PFKM: variants seen among roughly 807,000 people sequenced by gnomAD.
PFKM encodes the protein ATP-dependent 6-phosphofructokinase, muscle type.
PFKM carries 58 observed loss-of-function variants against 95.5 expected under a neutral mutation model. The observed-to-expected ratio is 0.61, with a 90% CI of 0.49 to 0.76. The LOEUF is 0.76. Among genes scored for constraint, PFKM ranks in the 30% least tolerant of loss-of-function variants. The pLI is 0.00. For missense variants in PFKM, 678 were observed against 1,005.4 expected (o/e 0.67, Z 4.40); for synonymous variants, 336 against 357.2 (o/e 0.94, Z 0.67).
intron 4 of PFKM, among the ~76,000 whole-genome samples, chr12:48,132,559 T>A (rs1266044471): frequency 6.6e-6 from 1 of 152,236 alleles, no homozygotes; most frequent in East Asian, 1.9e-4. Context: ...AGTTGGAGAT[T>A]ATTTGAGAAG....
At chr12:48,120,979 C>T (rs1016985254) in intron 1 of PFKM, among the ~76,000 whole-genome samples, 2 of 152,094 alleles carry the variant, frequency 1.3e-5, no homozygotes, top group African/African-American at 4.8e-5. Context: ...GGTGAAAACC[C>T]GTCTCAATTA....
At chr12:48,134,413 C>T (rs546045983) in intron 7 of PFKM, 137 bp downstream of exon 7, 29 of 790,790 alleles carry the variant, frequency 3.7e-5, no homozygotes, top group African/African-American at 2.2e-4. Flanking sequence ...GTTCCCTTTC[C>T]GGCCTCCATC....
chr12:48,106,017 C>T lies in PFKM; in HGVS notation c.-130C>T, dbSNP rs1469271028. The stretch of plus-strand genomic sequence containing the variant: ...TCCTCACCCCTCCCCCAGCTTCCCG[C>T]CGCCACTCACCGAACCGGAACCGGC... On this transcript the variant is annotated 5_prime_UTR_variant, in exon 1 of 25. Coordinates refer to the PFKM transcript ENST00000340802. 5.7e-6 allele frequency: 4 copies of T among 701,186 alleles called. No individual in the cohort carries two copies. In the Admixed American group the frequency reaches 8.0e-5, roughly 14 times the overall value. 43.4% of individuals were successfully genotyped at this position (701,186 alleles called of 1,614,324 possible).
At chr12:48,137,644 G>T in intron 10 of PFKM, 77 bp from the exon 11 acceptor site, 1 of 1,570,494 alleles carries the variant, frequency 6.4e-7, no homozygotes, top group South Asian at 1.1e-5. Context: ...AAAAGGGCTC[G>T]AGTATCCTGA....
Position 48,146,025 on chromosome 12 carries a change from C to A in PFKM, c.*317C>A, listed in dbSNP as rs886415081. 5.7e-6 allele frequency: 2 copies of A among 351,716 alleles called. No homozygotes were observed. The highest frequency in any genetic ancestry group is 1.1e-5 in the Non-Finnish European group (2 of 186,198). The allele number at this position is 351,716 out of a possible 1,614,324, so 21.8% of individuals were successfully genotyped here. A position where few individuals can be genotyped will look rare whatever the true frequency, so the allele number is the denominator to read the frequency against. ...AGCTTTATTTATTTCTTTGTGATAA[C>A]AAAGAGTCTTGGTTCCTCTACTACT... is the stretch of plus-strand genomic sequence containing the variant. On this transcript the variant is annotated 3_prime_UTR_variant, in exon 23 of 23. Transcript: ENST00000359794.
intron 6 of PFKM, among the ~76,000 whole-genome samples, chr12:48,133,838 C>T (rs913427984): frequency 5.3e-5 from 8 of 152,106 alleles, no homozygotes; most frequent in African/African-American, 1.7e-4. Context: ...GCTATGACCA[C>T]GACAGCTCAG....
At position 48,106,524 on chromosome 12, in the gene PFKM, G is replaced by C. The variant is rs987311652; in HGVS notation, c.-10+387G>C. 3.7e-4 allele frequency: 91 copies of C among 245,128 alleles called. 3 individuals are homozygous for C. Among genetic ancestry groups the C allele is most frequent in the Non-Finnish European group, 4.0e-5 (5 of 124,056 alleles). The allele number at this position is 245,128 out of a possible 1,614,324, so 15.2% of individuals were successfully genotyped here. ...CTCAGGCTATCTCGTGTTTTATTGA[G>C]AATCACAGAACGTTAGTGCTTGTAG... On this transcript the variant is annotated intron_variant, in intron 1 of 24. Coordinates refer to the PFKM transcript ENST00000340802.
upstream of PFKM, among the ~76,000 whole-genome samples, chr12:48,116,735 T>C (rs1947716340): frequency 6.6e-6 from 1 of 152,202 alleles, no homozygotes; most frequent in African/African-American, 2.4e-5. Flanking sequence ...TGCCTTGGCC[T>C]CCCAAAGTGC....
chr12:48,125,621 C>CAAA (rs562841214), intron 2 of PFKM: 9 of 103,024 alleles, frequency 8.7e-5, no homozygotes, highest in South Asian at 3.2e-4. Context: ...AACTCTGTCT[C>CAAA]AAAAAAAAAA....
At chr12:48,135,928 T>TCTGTCA (rs1555204170) in intron 10 of PFKM, among the ~76,000 whole-genome samples, 1 of 151,336 alleles carries the variant, frequency 6.6e-6, no homozygotes. Flanking sequence ...TTGCACTCGC[T>TCTGTCA]CCCAGGCTGG....
chr12:48,140,832 C>T lies in PFKM; in HGVS notation c.1302C>T (p.Leu434=), dbSNP rs1217619963. The T allele has an allele frequency of 4.3e-6, 7 of 1,614,066 alleles. No individual in the cohort carries two copies. The highest frequency in any genetic ancestry group is 5.1e-6 in the Non-Finnish European group (6 of 1,180,048). ...GCCTTATCCAGGGCAACCGAGTGCT[C>T]GTTGTCCATGATGGTTTCGAGGGCC... is the stretch of plus-strand genomic sequence containing the variant. ...RIGLIQGNRV[L]VVHDGFEGLA... is the part of the protein sequence containing the mutation. Residue 434 remains leucine, a synonymous_variant, in exon 14 of 23, where the codon CTC becomes CTT. Transcript: ENST00000359794.
At position 48,144,030 on chromosome 12, in the gene PFKM, GGTCT is replaced by G. The variant is rs1950808913; in HGVS notation, c.1881-15_1881-12del. Reference sequence around the variant, plus strand: ...GCCAACCACAGAGTCACAGGCTTTTGGTCTCCACCTGGCAGGAATGAAAAGTGCA... The same window carrying G: ...GCCAACCACAGAGTCACAGGCTTTTGCCACCTGGCAGGAATGAAAAGTGCA... On this transcript the variant is annotated splice_polypyrimidine_tract_variant and intron_variant, in intron 19 of 22. Transcript: ENST00000359794. The G allele has an allele frequency of 6.4e-7, 1 of 1,558,524 alleles. No individual in the cohort carries two copies. Among genetic ancestry groups the G allele is most frequent in the Non-Finnish European group, 8.9e-7 (1 of 1,129,466 alleles).
Position 48,134,214 on chromosome 12 carries a change from T to C in PFKM, c.594-18T>C, listed in dbSNP as rs372899080. The C allele has an allele frequency of 1.9e-6, 3 of 1,612,092 alleles. No homozygotes were observed. The highest frequency in any genetic ancestry group is 2.2e-5 in the South Asian group (2 of 91,032). On this transcript the variant is annotated intron_variant, in intron 6 of 22. Coordinates refer to ENST00000359794, the MANE Select transcript of PFKM (RefSeq NM_000289.6). ...CCATAGGGTCACTTGGACTGTGTCA[T>C]ATGTCTATCTCTTGCAGCCACCAGA...
rs1413177406 is a variant in PFKM, at chr12:48,139,300, A to G, written c.1078A>G (p.Lys360Glu). 1 of 1,613,754 alleles carries G rather than the reference A, an allele frequency of 6.2e-7. No homozygotes were observed. The highest frequency in any genetic ancestry group is 8.5e-7 in the Non-Finnish European group (1 of 1,179,772). Residue 360 changes from lysine to glutamate, a missense_variant, in exon 12 of 23, where the codon AAG (lysine) becomes GAG (glutamate). By Grantham distance (56) the Lys-to-Glu change is moderately conservative. Coordinates refer to ENST00000359794, the MANE Select transcript of PFKM (RefSeq NM_000289.6). ...ECVQVTKDVT[K>E]AMDEKKFDEA... is the part of the protein sequence containing the mutation. ...CCCCCCTCAGACCAAAGATGTGACC[A>G]AGGCCATGGATGAGAAGAAATTTGA...
chr12:48,108,086 A>ATG lies in PFKM; in HGVS notation c.97_98insTG (p.Thr33MetfsTer17). 10 of 1,599,394 alleles carry ATG rather than the reference A, an allele frequency of 6.3e-6. No homozygotes were observed. The highest frequency in any genetic ancestry group is 8.5e-6 in the Non-Finnish European group (10 of 1,179,698). ...TTGTTTCTCAGCTGGGGAAGCTTCT[A>ATG]CTTCCAGCATGCTCATACCAAAGCC... On this transcript the variant is annotated frameshift_variant, in exon 3 of 25. Coordinates refer to the PFKM transcript ENST00000340802. LOFTEE classifies it high-confidence loss of function.
intron 3 of PFKM, among the ~76,000 whole-genome samples, chr12:48,112,997 A>T (rs1947344082): frequency 6.6e-6 from 1 of 152,120 alleles, no homozygotes; most frequent in Non-Finnish European, 1.5e-5. Context: ...AGGAGATACA[A>T]GGAGAGGATA....
At chr12:48,118,583 A>G, upstream of PFKM, 1 of 1,414,080 alleles carries the variant, frequency 7.1e-7, no homozygotes, top group Non-Finnish European at 9.7e-7. Flanking sequence ...GGAAGGTGAG[A>G]CTTGAGTAAT....
At chr12:48,105,962 GAC>G (rs1218443924) in exon 1 of PFKM, 25 of 697,090 alleles carry the variant, frequency 3.6e-5, no homozygotes, top group Non-Finnish European at 5.7e-5. Context: ...GACCGGGTCC[GAC>G]ACAGTCTCCT....
At chr12:48,132,695 C>A in intron 4 of PFKM, 173 bp from the exon 5 acceptor site, 1 of 662,172 alleles carries the variant, frequency 1.5e-6, no homozygotes. Flanking sequence ...CCCTATGATG[C>A]CTCAGCCAGC....
Sources: allele counts gnomAD v4.1 joint callset (sites outside exome capture counted in the v4.1 genomes callset), GRCh38; gene constraint gnomAD v4.1.1; transcripts MANE v1.5; gene names NCBI Gene and HGNC (gene_info 2026-07-23, HGNC 2026-07-21).